Variants in VPS16 observed in about 807,000 individuals in gnomAD.
VPS16 encodes the protein vacuolar protein sorting-associated protein 16 homolog.
Under a neutral mutation model 116.0 loss-of-function variants are expected in VPS16, and 82 were observed. The ratio of observed to expected loss-of-function variants is 0.71; its 90% CI spans 0.59 to 0.85. VPS16 has a LOEUF of 0.85. Among genes scored for constraint, VPS16 ranks in the 40% least tolerant of loss-of-function variants. The probability of loss-of-function intolerance (pLI) is 0.00; values close to 1 mark genes in which losing one functional copy is unlikely to be tolerated. For missense variants in VPS16, 928 were observed against 1,090.6 expected (o/e 0.85, Z 2.10); for synonymous variants, 406 against 420.7 (o/e 0.96, Z 0.43).
At position 2,864,025 on chromosome 20, in the gene VPS16, C is replaced by T. The variant is rs758273348; in HGVS notation, c.1553C>T (p.Ser518Phe). ...AAGCTGGGGGACACGCCTGGTGTCTCTTACTCCGACATTGCTGCACGAGCC... is the reference window on the plus strand; with the variant it reads ...AAGCTGGGGGACACGCCTGGTGTCTTTTACTCCGACATTGCTGCACGAGCC... The part of the protein sequence containing the change: ...NQKLGDTPGV[S>F]YSDIAARAYG... Residue 518 changes from serine to phenylalanine, a missense_variant, in exon 16 of 24, where the codon TCT (serine) becomes TTT (phenylalanine). Transcript: ENST00000380445. The surrounding 1 kb of genome is among the most constrained non-coding windows in gnomAD (Gnocchi z 5.2). The T allele has an allele frequency of 1.2e-6, 2 of 1,614,040 alleles. No homozygotes were observed. The highest frequency in any genetic ancestry group is 8.5e-7 in the Non-Finnish European group (1 of 1,180,032).
chr20:2,861,199 C>T (rs2089224264), intron 7 of VPS16, 26 bp from the exon 8 acceptor site: 2 of 1,614,036 alleles, frequency 1.2e-6, no homozygotes, highest in African/African-American at 2.7e-5. Flanking sequence ...TGGGACAGGG[C>T]CATGACATTG....
rs1272213365 is a variant in VPS16 at position 2,861,628 on chromosome 20, C to T, written c.823C>T (p.Arg275Cys). 3.1e-6 allele frequency: 5 copies of T among 1,611,596 alleles called. No individual in the cohort carries two copies. Among genetic ancestry groups the T allele is most frequent in the East Asian group, 2.2e-5 (1 of 44,828 alleles). Reference sequence around the variant, plus strand: ...TGCTGCTCACAGGTGCAGCCGTCCTCGTAGCAAGGAGAGGGCCGTGGTGGT... The same window carrying T: ...TGCTGCTCACAGGTGCAGCCGTCCTTGTAGCAAGGAGAGGGCCGTGGTGGT... ...PKQMVWCSRP[R>C]SKERAVVVAW... Residue 275 changes from arginine to cysteine, a missense_variant, in exon 9 of 24, where the codon CGT (arginine) becomes TGT (cysteine). By Grantham distance (180) the Arg-to-Cys change is radical. Coordinates refer to ENST00000380445, the MANE Select transcript of VPS16 (RefSeq NM_022575.4).
Position 2,840,838 on chromosome 20 carries a change from C to T in VPS16, c.53+11C>T. On this transcript the variant is annotated intron_variant, in intron 1 of 23. Coordinates refer to ENST00000380445, the MANE Select transcript of VPS16 (RefSeq NM_022575.4). ...CTCTGCCTTTTACCGGTGAGCTGCC[C>T]CGCCCTCCCGCCCACGGCCTGGCTT... The T allele has an allele frequency of 3.3e-6, 5 of 1,520,984 alleles. No homozygotes were observed. The highest frequency in any genetic ancestry group is 3.6e-6 in the Non-Finnish European group (4 of 1,126,050). 94.2% of individuals were successfully genotyped at this position (1,520,984 alleles called of 1,614,324 possible).
chr20:2,844,377 T>C (rs1351378175), intron 1 of VPS16, among the ~76,000 whole-genome samples: 4 of 152,164 alleles, frequency 2.6e-5, no homozygotes, highest in Admixed American at 1.3e-4. Flanking sequence ...GAGAACCCAC[T>C]CAATTTGGGA....
Position 2,865,888 on chromosome 20 carries a change from G to C in VPS16, c.2272-324G>C, listed in dbSNP as rs772128604. On this transcript the variant is annotated intron_variant, in intron 22 of 23. Coordinates refer to ENST00000380445, the MANE Select transcript of VPS16 (RefSeq NM_022575.4). The surrounding 1 kb of genome is among the most constrained non-coding windows in gnomAD (Gnocchi z 5.2). ...TCAGAGGTGTATAGGGCAGGTTTGA[G>C]AATGTCAATCACAAGAGAACACAGG... 1.7e-5 allele frequency: 8 copies of C among 472,744 alleles called. No individual in the cohort carries two copies. The highest frequency in any genetic ancestry group is 2.7e-5 in the Non-Finnish European group (7 of 259,180). The allele number at this position is 472,744 out of a possible 1,614,324, so 29.3% of individuals were successfully genotyped here.
In VPS16 at chr20:2,863,512, C is replaced by G; in HGVS notation, c.1476+114C>G. On this transcript the variant is annotated intron_variant, in intron 15 of 23. Coordinates refer to ENST00000380445, the MANE Select transcript of VPS16 (RefSeq NM_022575.4). This position sits in a 1 kb window ranked among gnomAD's most constrained non-coding sequence, Gnocchi z 4.4. ...GCACGGTGGCTCATGCCTGTAATCCCAACACTTTGGGAGGCTGAGGCGGGC... is the reference window on the plus strand; with the variant it reads ...GCACGGTGGCTCATGCCTGTAATCCGAACACTTTGGGAGGCTGAGGCGGGC... 9.3e-7 allele frequency: 1 copy of G among 1,079,440 alleles called. No individual in the cohort carries two copies. The highest frequency in any genetic ancestry group is 2.2e-5 in the Admixed American group (1 of 46,494). The allele number at this position is 1,079,440 out of a possible 1,614,324, so 66.9% of individuals were successfully genotyped here. A position where few individuals can be genotyped will look rare whatever the true frequency, so the allele number is the denominator to read the frequency against.
chr20:2,849,257 G>A (rs2089092045), intron 1 of VPS16, among the ~76,000 whole-genome samples: 1 of 150,950 alleles, frequency 6.6e-6, no homozygotes, highest in South Asian at 2.1e-4. Flanking sequence ...ATTTGTGTTT[G>A]ATTTTCAGCA....
rs2089222309 is a variant in VPS16 at position 2,861,035 on chromosome 20, A to G, written c.696A>G (p.Arg232=). Residue 232 remains arginine, a synonymous_variant, in exon 7 of 24, where the codon CGA becomes CGG. Coordinates refer to ENST00000380445, the MANE Select transcript of VPS16 (RefSeq NM_022575.4). Reference sequence around the variant, plus strand: ...AGATGGCTGTCTCCTTCACCTACCGACACCTGGCACTCTTCACAGACACAG... The same window carrying G: ...AGATGGCTGTCTCCTTCACCTACCGGCACCTGGCACTCTTCACAGACACAG... The part of the protein sequence containing the change: ...FLQMAVSFTY[R]HLALFTDTGY... The G allele has an allele frequency of 1.9e-6, 3 of 1,614,038 alleles. No individual in the cohort carries two copies. In the South Asian group the frequency reaches 3.3e-5, roughly 18 times the overall value.
chr20:2,854,761 A>G (rs6051441), intron 1 of VPS16, among the ~76,000 whole-genome samples: 68,929 of 147,414 alleles, frequency 0.47, 18,270 homozygotes, highest in African/African-American at 0.72. Flanking sequence ...GCACCATTGC[A>G]CTCCAGCCTG....
chr20:2,859,330 G>A (rs1403109865), intron 1 of VPS16, among the ~76,000 whole-genome samples: 1 of 152,186 alleles, frequency 6.6e-6, no homozygotes, highest in Non-Finnish European at 1.5e-5. Flanking sequence ...TTTCTTCTCT[G>A]AGAGACCTTT....
At chr20:2,859,938 C>T in intron 2 of VPS16, 116 bp from the exon 3 acceptor site, 1 of 1,504,324 alleles carries the variant, frequency 6.6e-7, no homozygotes. Flanking sequence ...GCTTTTACTT[C>T]TGGTTTTTAT....
At chr20:2,842,393 A>C (rs2146635173) in intron 1 of VPS16, among the ~76,000 whole-genome samples, 1 of 152,100 alleles carries the variant, frequency 6.6e-6, no homozygotes, top group African/African-American at 2.4e-5. Flanking sequence ...AGGTGGGTGA[A>C]TCACCTGAGG....
Position 2,863,948 on chromosome 20 carries a change from G to C in VPS16, c.1477-1G>C, listed in dbSNP as rs1172159624. On this transcript the variant is annotated splice_acceptor_variant, in intron 15 of 23. Transcript: ENST00000380445. LOFTEE classifies it high-confidence loss of function. The surrounding 1 kb of genome is among the most constrained non-coding windows in gnomAD (Gnocchi z 4.4). ...TTTGTGACACCCCGCATCCCTTGCAGGTGCAACAGAAGGATGTCTCAGATG... is the reference window on the plus strand; with the variant it reads ...TTTGTGACACCCCGCATCCCTTGCACGTGCAACAGAAGGATGTCTCAGATG... The C allele has an allele frequency of 6.2e-7, 1 of 1,613,324 alleles. No individual in the cohort carries two copies. The highest frequency in any genetic ancestry group is 1.3e-5 in the African/African-American group (1 of 74,900).
intron 1 of VPS16, among the ~76,000 whole-genome samples, chr20:2,847,134 G>A (rs568904692): frequency 6.6e-6 from 1 of 152,128 alleles, no homozygotes; most frequent in Non-Finnish European, 1.5e-5. Flanking sequence ...TACCTCTAAG[G>A]CTTCAGGAGG....
At chr20:2,853,113 G>A (rs1046022307) in intron 1 of VPS16, among the ~76,000 whole-genome samples, 9 of 152,158 alleles carry the variant, frequency 5.9e-5, no homozygotes, top group East Asian at 3.8e-4. Context: ...ACTTTCAGCC[G>A]GGCATGGTGG....
Position 2,862,726 on chromosome 20 carries a change from C to T in VPS16, c.1203+16C>T, listed in dbSNP as rs200847236. 1,575 of 677,954 alleles carry T rather than the reference C, an allele frequency of 2.3e-3. 13 individuals carry two copies. The African/African-American group carries it at 0.042, about 18-fold the overall frequency. 42.0% of individuals were successfully genotyped at this position (677,954 alleles called of 1,614,324 possible). ...TCTGCTCAGGGTTGGCCTGGATGGC[C>T]GGGCCGGGGAGGGTGGGGCTGGGAG... On this transcript the variant is annotated intron_variant, in intron 12 of 23. Coordinates refer to ENST00000380445, the MANE Select transcript of VPS16 (RefSeq NM_022575.4).
chr20:2,855,900 C>T (rs2089167399), intron 1 of VPS16, among the ~76,000 whole-genome samples: 1 of 152,234 alleles, frequency 6.6e-6, no homozygotes, highest in Non-Finnish European at 1.5e-5. Context: ...CTAAAACTTT[C>T]TCCTTACCCG....
intron 1 of VPS16, among the ~76,000 whole-genome samples, chr20:2,851,323 G>A (rs980942853): frequency 3.3e-5 from 5 of 152,046 alleles, no homozygotes; most frequent in African/African-American, 1.2e-4. Context: ...AATATGGCAA[G>A]GTAGGCCGGG....
At chr20:2,858,688 C>T (rs1024272015) in intron 1 of VPS16, among the ~76,000 whole-genome samples, 2 of 151,998 alleles carry the variant, frequency 1.3e-5, no homozygotes, top group African/African-American at 4.8e-5. Flanking sequence ...CCCTTTTCCC[C>T]CACTCTTGAG....
Sources: gnomAD v4.1 joint callset for allele counts (sites outside exome capture counted in the v4.1 genomes callset) on GRCh38, gnomAD v4.1.1 for gene constraint, Gnocchi (gnomAD v3.1) non-coding constraint, MANE v1.5 for transcripts, NCBI Gene and HGNC (gene_info 2026-07-23, HGNC 2026-07-21) for gene names.